TTC28: variants seen among roughly 807,000 people sequenced by gnomAD.
TTC28 encodes the protein tetratricopeptide repeat protein 28.
A neutral mutation model predicts 198.0 loss-of-function variants in TTC28; 61 were observed. The observed-to-expected ratio is 0.31, with a 90% CI of 0.25 to 0.38. The LOEUF (loss-of-function observed/expected upper bound fraction) is 0.38. Ranked by LOEUF, TTC28 falls within the 10% of genes least tolerant of loss-of-function variation. The probability of loss-of-function intolerance (pLI) is 1.00; values close to 1 mark genes in which losing one functional copy is unlikely to be tolerated. For missense variants in TTC28, 2,678 were observed against 3,164.0 expected (o/e 0.85, Z 3.69); for synonymous variants, 1,171 against 1,297.8 (o/e 0.90, Z 2.10).
At chr22:28,532,149 T>C (rs1290968750) in intron 2 of TTC28, among the ~76,000 whole-genome samples, 1 of 151,932 alleles carries the variant, frequency 6.6e-6, no homozygotes, top group Non-Finnish European at 1.5e-5. Context: ...ACAAAATTGA[T>C]AGACCACTAG....
Position 28,465,777 on chromosome 22 carries a change from T to C in TTC28, c.382-159134A>G, listed in dbSNP as rs377666168. On this transcript the variant is annotated intron_variant, in intron 2 of 22. Coordinates refer to ENST00000397906, the MANE Select transcript of TTC28 (RefSeq NM_001145418.2). ...AGACATCAGGAATCAAAGGTTGATA[T>C]GCTATCTCAACTATCATCAAAGACC... 1.1e-3 allele frequency among the ~76,000 whole-genome samples: 164 copies of C among 152,352 alleles called. 1 individual carries two copies. The highest frequency in any genetic ancestry group is 3.8e-3 in the African/African-American group (160 of 41,586).
chr22:28,416,421 G>T (rs945978595), intron 2 of TTC28, among the ~76,000 whole-genome samples: 3 of 152,164 alleles, frequency 2.0e-5, no homozygotes, highest in Admixed American at 2.0e-4. Flanking sequence ...TGATGTGATG[G>T]AAATTATTTC....
intron 5 of TTC28, among the ~76,000 whole-genome samples, chr22:28,226,554 G>C (rs1928356849): frequency 6.6e-6 from 1 of 152,040 alleles, no homozygotes. Flanking sequence ...CGCCTTCCGA[G>C]TAGCTGGGAC....
intron 1 of TTC28, among the ~76,000 whole-genome samples, chr22:28,663,747 C>A (rs1475798818): frequency 2.0e-4 from 28 of 139,214 alleles, no homozygotes; most frequent in African/African-American, 5.3e-4. Context: ...CCCAGGCTTG[C>A]TTAGGTAAAC....
intron 2 of TTC28, among the ~76,000 whole-genome samples, chr22:28,317,488 A>G (rs2045370995): frequency 6.6e-6 from 1 of 152,186 alleles, no homozygotes; most frequent in African/African-American, 2.4e-5. Flanking sequence ...ATGTCAGTTA[A>G]CTTTTCACAG....
Position 28,018,286 on chromosome 22 carries a change from T to TGTGTGTGC in TTC28, c.4074-3895_4074-3894insGCACACAC, listed in dbSNP as rs1555903325. ...GTGTGTGTGTGTGTGTGTATGTGTG[T>TGTGTGTGC]GCGCGCGTGTGTGCGCGCGCGGGGG... is the stretch of plus-strand genomic sequence containing the variant. On this transcript the variant is annotated intron_variant, in intron 13 of 22. Transcript: ENST00000397906. 2.8e-4 allele frequency among the ~76,000 whole-genome samples: 27 copies of TGTGTGTGC among 97,340 alleles called. 1 individual carries two copies. The highest frequency in any genetic ancestry group is 1.0e-3 in the African/African-American group (25 of 24,228). The allele number at this position is 97,340 out of a possible 152,430, so 63.9% of individuals were successfully genotyped here.
chr22:28,009,441 T>G (rs1013807418), intron 14 of TTC28, among the ~76,000 whole-genome samples: 3 of 152,212 alleles, frequency 2.0e-5, no homozygotes, highest in Non-Finnish European at 4.4e-5. Flanking sequence ...ACTGAAAATG[T>G]GGAGAAGGGT....
At chr22:28,466,861 A>G (rs2048029556) in intron 2 of TTC28, among the ~76,000 whole-genome samples, 1 of 148,744 alleles carries the variant, frequency 6.7e-6, no homozygotes, top group Non-Finnish European at 1.5e-5. Context: ...ACACACCCCT[A>G]TGCCAGTATC....
intron 14 of TTC28, chr22:28,008,552 CAG>C: frequency 6.6e-6 from 1 of 152,234 alleles, no homozygotes; most frequent in East Asian, 1.9e-4. Flanking sequence ...ATACAGGAAA[CAG>C]GGAATTTAAA....
chr22:28,064,161 GA>G (rs1032648575), intron 12 of TTC28, among the ~76,000 whole-genome samples: 1 of 152,186 alleles, frequency 6.6e-6, no homozygotes, highest in Non-Finnish European at 1.5e-5. Flanking sequence ...ATGGATGAGG[GA>G]AAAGTGAAAT....
intron 2 of TTC28, among the ~76,000 whole-genome samples, chr22:28,497,060 A>G (rs2048465843): frequency 6.6e-6 from 1 of 152,092 alleles, no homozygotes; most frequent in African/African-American, 2.4e-5. Context: ...TAATGACCCT[A>G]TTTGAAATTG....
intron 1 of TTC28, among the ~76,000 whole-genome samples, chr22:28,671,563 A>T (rs2051885275): frequency 6.8e-6 from 1 of 147,926 alleles, no homozygotes; most frequent in Admixed American, 6.8e-5. Flanking sequence ...TGAACCCGGT[A>T]GGCAGAGCTT....
intron 6 of TTC28, among the ~76,000 whole-genome samples, chr22:28,109,448 C>T (rs1942421741): frequency 6.6e-6 from 1 of 152,210 alleles, no homozygotes; most frequent in African/African-American, 2.4e-5. Context: ...AAATAGTTGC[C>T]TTGTTAGGTA....
At chr22:27,994,456 T>TTTTG (rs1163231598) in intron 17 of TTC28, 1 of 151,822 alleles carries the variant, frequency 6.6e-6, no homozygotes, top group Non-Finnish European at 1.5e-5. Flanking sequence ...TGAGGTTTTT[T>TTTTG]TTTTTTTTTT....
intron 1 of TTC28, among the ~76,000 whole-genome samples, chr22:28,640,567 A>AAAAAAAAAT (rs1555906379): frequency 9.5e-5 from 14 of 147,318 alleles, no homozygotes; most frequent in Non-Finnish European, 1.9e-4. Context: ...CAAACTGTTA[A>AAAAAAAAAT]AATAATAATA....
At chr22:28,311,081 C>T (rs2045248104) in intron 2 of TTC28, among the ~76,000 whole-genome samples, 1 of 152,128 alleles carries the variant, frequency 6.6e-6, no homozygotes, top group Non-Finnish European at 1.5e-5. Context: ...GCCTGGCCTA[C>T]TTTAATATTC....
intron 2 of TTC28, among the ~76,000 whole-genome samples, chr22:28,591,040 CATATATATATATATAT>C (rs377761638): frequency 5.2e-4 from 16 of 30,744 alleles, no homozygotes; most frequent in African/African-American, 1.5e-3. Flanking sequence ...CACACACACA[CATATATATATATATAT>C]ATATATATAT....
At chr22:28,272,351 T>C (rs893638902) in intron 5 of TTC28, among the ~76,000 whole-genome samples, 2 of 152,172 alleles carry the variant, frequency 1.3e-5, no homozygotes, top group African/African-American at 4.8e-5. Context: ...ATACAAATAA[T>C]ACATTATCAG....
chr22:28,386,273 T>TCAA (rs2046587471), intron 2 of TTC28, among the ~76,000 whole-genome samples: 1 of 17,592 alleles, frequency 5.7e-5, no homozygotes, highest in East Asian at 4.2e-3. Context: ...AGACTCCGTC[T>TCAA]CAAAAAAAAA....
Sources: gnomAD v4.1 joint callset for allele counts (sites outside exome capture counted in the v4.1 genomes callset) on GRCh38, gnomAD v4.1.1 for gene constraint, MANE v1.5 for transcripts, NCBI Gene and HGNC (gene_info 2026-07-23, HGNC 2026-07-21) for gene names.